PARVA: variants seen among roughly 807,000 people sequenced by gnomAD.
The protein encoded by PARVA is parvin alpha, also known as alpha-parvin.
Under a neutral mutation model 52.6 loss-of-function variants are expected in PARVA, and 25 were observed. The ratio of observed to expected loss-of-function variants is 0.48; its 90% CI spans 0.35 to 0.66. The LOEUF (loss-of-function observed/expected upper bound fraction) is 0.66, where lower values mean the gene tolerates loss of function less well. Ranked by LOEUF, PARVA falls within the 30% of genes least tolerant of loss-of-function variation. The probability of loss-of-function intolerance (pLI) is 0.01; values close to 1 mark genes in which losing one functional copy is unlikely to be tolerated. For synonymous variants in PARVA, 185 were observed against 179.1 expected (o/e 1.03, Z -0.26); for missense variants, 373 against 450.9 (o/e 0.83, Z 1.56).
intron 4 of PARVA, among the ~76,000 whole-genome samples, chr11:12,490,151 G>C (rs558860509): frequency 6.7e-6 from 1 of 149,358 alleles, no homozygotes; most frequent in South Asian, 2.1e-4. Flanking sequence ...GGGAAGCAGA[G>C]CTTGCCGTGA....
intron 1 of PARVA, among the ~76,000 whole-genome samples, chr11:12,400,462 A>G (rs995021725): frequency 2.0e-5 from 3 of 152,204 alleles, no homozygotes; most frequent in Non-Finnish European, 2.9e-5. Context: ...ATATGGACAT[A>G]CCTTATCTCC....
chr11:12,464,277 A>G (rs61875564), intron 1 of PARVA, among the ~76,000 whole-genome samples: 1,731 of 152,354 alleles, frequency 0.011, 15 homozygotes, highest in Non-Finnish European at 0.018. Context: ...TAAGTTAAAC[A>G]TAAGTTTTTA....
At chr11:12,428,830 G>A (rs1381821596) in intron 1 of PARVA, among the ~76,000 whole-genome samples, 1 of 152,168 alleles carries the variant, frequency 6.6e-6, no homozygotes, top group Non-Finnish European at 1.5e-5. Context: ...AATTTAAAAT[G>A]TTATAAATTG....
chr11:12,446,038 T>C (rs1447685079), intron 1 of PARVA, among the ~76,000 whole-genome samples: 2 of 111,710 alleles, frequency 1.8e-5, no homozygotes, highest in Non-Finnish European at 2.2e-5. Flanking sequence ...GTTCATTTAC[T>C]TTAAAAAAAA....
intron 1 of PARVA, among the ~76,000 whole-genome samples, chr11:12,457,314 C>T (rs919145268): frequency 1.3e-5 from 2 of 152,190 alleles, no homozygotes; most frequent in East Asian, 3.9e-4. Context: ...AAAAAAAAAT[C>T]AGGGTGCTGC....
At chr11:12,389,868 C>A (rs142966013) in intron 1 of PARVA, among the ~76,000 whole-genome samples, 1 of 152,154 alleles carries the variant, frequency 6.6e-6, no homozygotes, top group Admixed American at 6.5e-5. Context: ...CACTGGAGGA[C>A]GTGGATGCTC....
At chr11:12,525,965 G>A (rs533088041) in intron 12 of PARVA, among the ~76,000 whole-genome samples, 1 of 152,232 alleles carries the variant, frequency 6.6e-6, no homozygotes, top group South Asian at 2.1e-4. Context: ...CCCTAGGCCT[G>A]GAGCTTGGGG....
intron 4 of PARVA, among the ~76,000 whole-genome samples, chr11:12,481,146 C>A (rs1201278262): frequency 6.6e-6 from 1 of 152,158 alleles, no homozygotes; most frequent in Non-Finnish European, 1.5e-5. Context: ...ACTTCTCCCT[C>A]TAGTTTTTGC....
At chr11:12,444,834 CA>C (rs1224692337) in intron 1 of PARVA, among the ~76,000 whole-genome samples, 24 of 152,198 alleles carry the variant, frequency 1.6e-4, no homozygotes, top group Non-Finnish European at 3.1e-4. Context: ...GCAGCTAGGA[CA>C]GGGTAGAACC....
At position 12,482,173 on chromosome 11, in the gene PARVA, GAAAAAGAAAA is replaced by G. The variant is rs1174157347; in HGVS notation, c.400+4231_400+4240del. ...CCCTGTCTCAAAAAAAAAAAAAAAA[GAAAAAGAAAA>G]AAAAAGGACATGGAATCCAGGAAGC... On this transcript the variant is annotated intron_variant, in intron 4 of 12. Coordinates refer to ENST00000334956, the MANE Select transcript of PARVA (RefSeq NM_018222.5). Among the ~76,000 whole-genome samples, 31 of 142,690 alleles carry G rather than the reference GAAAAAGAAAA, an allele frequency of 2.2e-4. No individual in the cohort carries two copies. In the Middle Eastern group the frequency reaches 0.011, roughly 50 times the overall value. 93.6% of individuals were successfully genotyped at this position (142,690 alleles called of 152,430 possible). A position where few individuals can be genotyped will look rare whatever the true frequency, so the allele number is the denominator to read the frequency against.
chr11:12,482,625 C>CA (rs35722013), intron 4 of PARVA, among the ~76,000 whole-genome samples: 49,655 of 132,910 alleles, frequency 0.37, 9,787 homozygotes, highest in East Asian at 0.56. Context: ...GTCTCCATCT[C>CA]AAAAAAAAAA....
intron 12 of PARVA, among the ~76,000 whole-genome samples, chr11:12,525,016 A>G (rs1015977590): frequency 6.6e-6 from 1 of 152,168 alleles, no homozygotes; most frequent in African/African-American, 2.4e-5. Flanking sequence ...AGAGCCAGCT[A>G]TTTGGGAAGA....
intron 12 of PARVA, among the ~76,000 whole-genome samples, chr11:12,524,979 T>G (rs1941682633): frequency 6.6e-6 from 1 of 152,192 alleles, no homozygotes; most frequent in African/African-American, 2.4e-5. Context: ...GAGCCTGTGC[T>G]TTGAGCTGAG....
intron 1 of PARVA, among the ~76,000 whole-genome samples, chr11:12,404,298 G>A (rs1939871849): frequency 6.6e-6 from 1 of 152,156 alleles, no homozygotes; most frequent in African/African-American, 2.4e-5. Flanking sequence ...AGGAATGAAA[G>A]GCTTATGATT....
intron 1 of PARVA, among the ~76,000 whole-genome samples, chr11:12,402,033 T>C (rs1422562979): frequency 6.6e-6 from 1 of 152,220 alleles, no homozygotes; most frequent in Non-Finnish European, 1.5e-5. Flanking sequence ...TAAAGTGTTA[T>C]AACCTCGTGT....
intron 1 of PARVA, among the ~76,000 whole-genome samples, chr11:12,394,086 T>G (rs1452177233): frequency 6.6e-6 from 1 of 152,192 alleles, no homozygotes; most frequent in Non-Finnish European, 1.5e-5. Context: ...TTTTATTGAA[T>G]TTTTACAAAA....
chr11:12,377,356 A>C (rs1048096621), upstream of PARVA: 1 of 1,262,268 alleles, frequency 7.9e-7, no homozygotes, highest in Non-Finnish European at 1.0e-6. Context: ...CTGGGCACAC[A>C]CGTCCTCCTG....
intron 1 of PARVA, among the ~76,000 whole-genome samples, chr11:12,404,034 G>A (rs1282216024): frequency 1.3e-5 from 2 of 151,948 alleles, no homozygotes; most frequent in Non-Finnish European, 2.9e-5. Flanking sequence ...TTATTCTAGG[G>A]ATATTTCAGC....
At chr11:12,517,413 G>A (rs1188480292) in intron 10 of PARVA, among the ~76,000 whole-genome samples, 197 bp from the exon 11 acceptor site, 3 of 151,450 alleles carry the variant, frequency 2.0e-5, no homozygotes, top group African/African-American at 7.3e-5. Flanking sequence ...TCAGGGCCTG[G>A]GCTTGTGGCT....
Sources: gnomAD v4.1 joint callset for allele counts (sites outside exome capture counted in the v4.1 genomes callset) on GRCh38, gnomAD v4.1.1 for gene constraint, MANE v1.5 for transcripts, NCBI Gene and HGNC (gene_info 2026-07-23, HGNC 2026-07-21) for gene names.